The following TAF6L variants were observed in gnomAD, a reference collection of about 807,000 sequenced individuals.
The protein encoded by TAF6L is TAF6-like RNA polymerase II p300/CBP-associated factor-associated factor 65 kDa subunit 6L.
Under a neutral mutation model 57.3 loss-of-function variants are expected in TAF6L, and 34 were observed. That is an observed-to-expected ratio of 0.59 (90% confidence interval 0.45 to 0.79). The LOEUF (loss-of-function observed/expected upper bound fraction) is 0.79. Among genes scored for constraint, TAF6L ranks in the 30% least tolerant of loss-of-function variants. The probability of loss-of-function intolerance (pLI) is 0.00; values close to 1 mark genes in which losing one functional copy is unlikely to be tolerated. For missense variants in TAF6L, 782 were observed against 853.2 expected (o/e 0.92, Z 1.04); for synonymous variants, 417 against 376.3 (o/e 1.11, Z -1.25).
chr11:62,777,743 C>T (rs1324592625), intron 3 of TAF6L, among the ~76,000 whole-genome samples: 2 of 152,042 alleles, frequency 1.3e-5, no homozygotes, highest in Admixed American at 6.6e-5. Context: ...GGCTCAGGAC[C>T]CTTCCAGTTA....
intron 6 of TAF6L, among the ~76,000 whole-genome samples, chr11:62,779,388 G>A (rs1414377792): frequency 6.6e-6 from 1 of 151,952 alleles, no homozygotes; most frequent in East Asian, 1.9e-4. Context: ...GTAGAGACGG[G>A]GTTTCACCGT....
intron 6 of TAF6L, among the ~76,000 whole-genome samples, chr11:62,780,767 T>G (rs528362502): frequency 6.7e-6 from 1 of 148,364 alleles, no homozygotes; most frequent in Non-Finnish European, 1.5e-5. Context: ...CCGTTGGATA[T>G]CTACTAAAAA....
At chr11:62,773,722 A>G (rs184560951) in intron 1 of TAF6L, among the ~76,000 whole-genome samples, 19 of 152,330 alleles carry the variant, frequency 1.2e-4, no homozygotes, top group African/African-American at 3.8e-4. Flanking sequence ...TGCTGGGATT[A>G]GAGGCGTGAG....
chr11:62,779,786 T>C lies in TAF6L; in HGVS notation c.531+823T>C, dbSNP rs1590934980. ...GTTCAAGCAATTCTCCCACCTCAGCTTCCCAAGTAGCTGGGATTACAGGGG... is the reference window on the plus strand; with the variant it reads ...GTTCAAGCAATTCTCCCACCTCAGCCTCCCAAGTAGCTGGGATTACAGGGG... On this transcript the variant is annotated intron_variant, in intron 6 of 10. Coordinates refer to ENST00000294168, the MANE Select transcript of TAF6L (RefSeq NM_006473.4). 4.0e-5 allele frequency among the ~76,000 whole-genome samples: 6 copies of C among 150,838 alleles called. No individual in the cohort carries two copies. The East Asian group carries it at 1.2e-3, about 30-fold the overall frequency.
chr11:62,786,349 GGT>G lies in TAF6L; in HGVS notation c.1051_1052del (p.Val351GlnfsTer99). 6.2e-7 allele frequency: 1 copy of G among 1,614,134 alleles called. No homozygotes were observed. The highest frequency in any genetic ancestry group is 1.1e-5 in the South Asian group (1 of 91,078). On this transcript the variant is annotated frameshift_variant, in exon 10 of 11. Transcript: ENST00000294168. LOFTEE classifies it high-confidence loss of function. Reference sequence around the variant, plus strand: ...ATGATTATTCAGTATCTAATGCCCAGGTCAAAGCAGATGGACACAAAGTCTAT... The same window carrying G: ...ATGATTATTCAGTATCTAATGCCCAGCAAAGCAGATGGACACAAAGTCTAT... Reference protein sequence around the residue: ...LDDYSVSNAQVKADGHKVYGA... With the variant: ...LDDYSVSNAQXKADGHKVYGA...
At chr11:62,786,491 CCTAT>C (rs759162420) in intron 10 of TAF6L, 22 bp from the exon 11 acceptor site, 43 of 1,573,184 alleles carry the variant, frequency 2.7e-5, no homozygotes, top group Admixed American at 1.6e-4. Flanking sequence ...GAATTTTTTG[CCTAT>C]CTTAGTCCTT....
intron 6 of TAF6L, 121 bp from the exon 7 acceptor site, chr11:62,781,773 G>C: frequency 1.2e-6 from 1 of 850,590 alleles, no homozygotes; most frequent in Non-Finnish European, 1.9e-6. Flanking sequence ...CTAGATCAAA[G>C]AATATGAACA....
rs1191258591 is a variant in TAF6L, at chr11:62,787,188, G to A, written c.1761G>A (p.Gly587=). The A allele has an allele frequency of 6.3e-7, 1 of 1,588,312 alleles. No homozygotes were observed. The highest frequency in any genetic ancestry group is 2.3e-5 in the East Asian group (1 of 43,646). Residue 587 remains glycine (G), a synonymous_variant, in exon 11 of 11, where the codon GGG becomes GGA. Coordinates refer to ENST00000294168, the MANE Select transcript of TAF6L (RefSeq NM_006473.4). ...LFQTAFPAPY[G]PSPASRYVQK... is the part of the protein sequence containing the mutation. ...AGACTGCCTTCCCCGCGCCGTACGG[G>A]CCTAGCCCGGCCTCGCGCTACGTGC...
rs1160663048 is a variant in TAF6L, at chr11:62,775,830, C to A, written c.47C>A (p.Ser16Tyr). The change falls in exon 2 of 11, where the codon TCT becomes TAT. Residue 16 changes from serine to tyrosine, a missense_variant. By Grantham distance (144) the Ser-to-Tyr change is moderately radical (BLOSUM62 -2). Coordinates refer to ENST00000294168, the MANE Select transcript of TAF6L (RefSeq NM_006473.4). ...CGGTTTGTGGAGATCCCTCGGGAGT[C>A]TGTCCGGCTCATGGCGGAGAGCACG... ...ERRFVEIPRE[S>Y]VRLMAESTGL... The A allele has an allele frequency of 6.2e-7, 1 of 1,613,196 alleles. No homozygotes were observed. Among genetic ancestry groups the A allele is most frequent in the South Asian group, 1.1e-5 (1 of 91,072 alleles).
intron 1 of TAF6L, chr11:62,774,805 T>C (rs1385548741): frequency 5.7e-5 from 18 of 314,432 alleles, no homozygotes; most frequent in Non-Finnish European, 1.1e-4. Flanking sequence ...AAAAATTAGC[T>C]GGGCGTGGTG....
chr11:62,774,478 G>A, intron 1 of TAF6L: 1 of 428,440 alleles, frequency 2.3e-6, no homozygotes, highest in Non-Finnish European at 4.7e-6. Flanking sequence ...GACGTCACTG[G>A]TGACCCATTG....
chr11:62,774,599 T>C, intron 1 of TAF6L: 2 of 454,964 alleles, frequency 4.4e-6, no homozygotes, highest in Non-Finnish European at 4.4e-6. Context: ...GCCTACCTTC[T>C]GGTGCTGTGC....
chr11:62,782,939 G>C, intron 9 of TAF6L, 114 bp downstream of exon 9: 2 of 1,473,530 alleles, frequency 1.4e-6, no homozygotes, highest in Non-Finnish European at 1.8e-6. Flanking sequence ...GCCATGTATT[G>C]AGTTCTGGCC....
chr11:62,786,280 C>T lies in TAF6L; in HGVS notation c.981C>T (p.Tyr327=), dbSNP rs763359368. Residue 327 remains tyrosine, a synonymous_variant, in exon 10 of 11, where the codon TAC becomes TAT. Coordinates refer to ENST00000294168, the MANE Select transcript of TAF6L (RefSeq NM_006473.4). ...LGWKAVERVL[Y]PHLSTYWTNL... ...TCCAGGCAGTAGAACGAGTCCTGTA[C>T]CCACACCTGTCCACCTACTGGACAA... 3.7e-6 allele frequency: 6 copies of T among 1,614,022 alleles called. No individual in the cohort carries two copies. Among genetic ancestry groups the T allele is most frequent in the Middle Eastern group, 1.6e-4 (1 of 6,062 alleles).
chr11:62,787,296 A>G lies in TAF6L; in HGVS notation c.1869A>G (p.Ter623TrpextTer10), dbSNP rs753559869. 8 of 1,537,698 alleles carry G rather than the reference A, an allele frequency of 5.2e-6. No individual in the cohort carries two copies. Among genetic ancestry groups the G allele is most frequent in the Non-Finnish European group, 7.0e-6 (8 of 1,149,446 alleles). Reference sequence around the variant, plus strand: ...ACTACTCGCTGTACTTGCCGCTCTGAGTCAGTGGCCCCTTCGTTCCTTGTA... The same window carrying G: ...ACTACTCGCTGTACTTGCCGCTCTGGGTCAGTGGCCCCTTCGTTCCTTGTA... ...LSDYSLYLPL[*>W] The change falls in exon 11 of 11, where the codon TGA becomes TGG. Residue 623 changes from the stop codon to tryptophan, a stop_lost. Transcript: ENST00000294168.
intron 9 of TAF6L, among the ~76,000 whole-genome samples, chr11:62,783,705 G>C (rs1012009300): frequency 2.6e-5 from 4 of 151,448 alleles, no homozygotes; most frequent in Non-Finnish European, 5.9e-5. Flanking sequence ...CACCTAACTT[G>C]TATTTTTAGT....
intron 5 of TAF6L, 78 bp from the exon 6 acceptor site, chr11:62,778,791 T>G: frequency 8.2e-7 from 1 of 1,218,694 alleles, no homozygotes; most frequent in Non-Finnish European, 1.2e-6. Flanking sequence ...GGGATGGTGG[T>G]TGAGGGGGAG....
intron 6 of TAF6L, among the ~76,000 whole-genome samples, 166 bp downstream of exon 6, chr11:62,779,129 TC>T (rs2134708875): frequency 6.6e-6 from 1 of 151,752 alleles, no homozygotes; most frequent in South Asian, 2.1e-4. Flanking sequence ...CAAGTGATTC[TC>T]CTGCCTCAGC....
chr11:62,772,772 T>C (rs2084158088), intron 1 of TAF6L, among the ~76,000 whole-genome samples: 1 of 148,316 alleles, frequency 6.7e-6, no homozygotes, highest in Admixed American at 6.8e-5. Flanking sequence ...CACTCCAGCC[T>C]GGGTGACAGA....
Sources: gnomAD v4.1 joint callset for allele counts (sites outside exome capture counted in the v4.1 genomes callset) on GRCh38, gnomAD v4.1.1 for gene constraint, MANE v1.5 for transcripts, NCBI Gene and HGNC (gene_info 2026-07-23, HGNC 2026-07-21) for gene names.